Variants in DTWD2 observed in about 807,000 individuals in gnomAD.
The protein encoded by DTWD2 is DTW motif tRNA-uridine aminocarboxypropyltransferase 2.
Under a neutral mutation model 31.8 loss-of-function variants are expected in DTWD2, and 39 were observed. That is an observed-to-expected ratio of 1.22 (90% CI 0.95 to 1.60). DTWD2 has a LOEUF of 1.60. DTWD2 is among the 40% of genes most tolerant of loss of function. The pLI is 0.00. For missense variants in DTWD2, 515 were observed against 381.5 expected, an observed-to-expected ratio of 1.35 and a Z score of -2.92; for synonymous variants, 180 against 142.8, an observed-to-expected ratio of 1.26 and a Z score of -1.86.
At chr5:118,879,537 G>A (rs1209776703) in intron 4 of DTWD2, among the ~76,000 whole-genome samples, 1 of 150,436 alleles carries the variant, frequency 6.6e-6, no homozygotes, top group Non-Finnish European at 1.5e-5. Flanking sequence ...TTGAACCCAG[G>A]AGGCAGAGGT....
intron 4 of DTWD2, among the ~76,000 whole-genome samples, chr5:118,862,273 C>G (rs1752279086): frequency 6.6e-6 from 1 of 152,098 alleles, no homozygotes; most frequent in Non-Finnish European, 1.5e-5. Flanking sequence ...TCCCTGGGTG[C>G]CAAAAAGGTT....
At chr5:118,919,968 CT>C in intron 4 of DTWD2, among the ~76,000 whole-genome samples, 1 of 152,022 alleles carries the variant, frequency 6.6e-6, no homozygotes, top group East Asian at 1.9e-4. Flanking sequence ...AATTAGTCTC[CT>C]TTCTTTGTTT....
intron 1 of DTWD2, among the ~76,000 whole-genome samples, chr5:118,958,419 C>T (rs1754636167): frequency 1.3e-5 from 2 of 151,910 alleles, no homozygotes; most frequent in South Asian, 4.1e-4. Flanking sequence ...GATCACGCCA[C>T]TACACTCCAG....
At chr5:118,949,747 G>A (rs945773704) in intron 1 of DTWD2, among the ~76,000 whole-genome samples, 13 of 152,248 alleles carry the variant, frequency 8.5e-5, no homozygotes, top group African/African-American at 3.1e-4. Flanking sequence ...TTAAGATGGG[G>A]AGACACAAGG....
intron 1 of DTWD2, among the ~76,000 whole-genome samples, chr5:118,966,605 A>G (rs115002919): frequency 0.012 from 1,771 of 152,336 alleles, 35 homozygotes; most frequent in African/African-American, 0.04. Context: ...TACATAAGGC[A>G]AAGTAAACTA....
At chr5:118,884,238 A>C (rs1193005145) in intron 4 of DTWD2, among the ~76,000 whole-genome samples, 1 of 152,164 alleles carries the variant, frequency 6.6e-6, no homozygotes, top group Non-Finnish European at 1.5e-5. Context: ...TTCCTTTTGT[A>C]TGTTTTTCAA....
At chr5:118,851,853 AG>A (rs200078715) in intron 4 of DTWD2, among the ~76,000 whole-genome samples, 3 of 149,378 alleles carry the variant, frequency 2.0e-5, no homozygotes, top group Admixed American at 6.6e-5. Context: ...AAAAAAAAAA[AG>A]AAAAAAGAAA....
rs1410981257 is a variant in DTWD2 at position 118,974,186 on chromosome 5, C to T, written c.218+14108G>A. 27 of 1,413,124 alleles carry T rather than the reference C, an allele frequency of 1.9e-5. No individual in the cohort carries two copies. The African/African-American group carries it at 2.6e-4, about 14-fold the overall frequency. The allele number at this position is 1,413,124 out of a possible 1,614,324, so 87.5% of individuals were successfully genotyped here. A position where few individuals can be genotyped will look rare whatever the true frequency, so the allele number is the denominator to read the frequency against. On this transcript the variant is annotated intron_variant, in intron 1 of 5. Coordinates refer to ENST00000510708, the MANE Select transcript of DTWD2 (RefSeq NM_173666.4). ...GCCGCCTTGACCTATTCACCCTCCA[C>T]TTCCCGTCTCAGAATCTAAACGTGG...
chr5:118,850,740 T>G (rs758394573), intron 4 of DTWD2, among the ~76,000 whole-genome samples: 107 of 152,116 alleles, frequency 7.0e-4, no homozygotes, highest in Non-Finnish European at 1.1e-3. Flanking sequence ...ACCTACAGAA[T>G]GGGTGAAATT....
At chr5:118,974,639 TAAG>T (rs757973562) in intron 1 of DTWD2, 3 of 506,560 alleles carry the variant, frequency 5.9e-6, no homozygotes, top group South Asian at 1.5e-5. Flanking sequence ...AGCTGTACTA[TAAG>T]TAGTTGGTTT....
At chr5:118,909,159 G>C (rs989885694) in intron 4 of DTWD2, among the ~76,000 whole-genome samples, 1 of 152,212 alleles carries the variant, frequency 6.6e-6, no homozygotes, top group Non-Finnish European at 1.5e-5. Context: ...CCGCATAGCT[G>C]AGTCACCTGG....
At chr5:118,856,374 G>A (rs114589505) in intron 4 of DTWD2, among the ~76,000 whole-genome samples, 71 of 152,206 alleles carry the variant, frequency 4.7e-4, no homozygotes, top group African/African-American at 1.6e-3. Flanking sequence ...ATCCCTGTCT[G>A]TGAATTTGCC....
intron 4 of DTWD2, among the ~76,000 whole-genome samples, chr5:118,854,320 A>T (rs1752081190): frequency 6.6e-6 from 1 of 152,064 alleles, no homozygotes; most frequent in Non-Finnish European, 1.5e-5. Flanking sequence ...ATGCAACTGT[A>T]ATCTTTTTTT....
chr5:118,891,988 C>T (rs926197352), intron 4 of DTWD2, among the ~76,000 whole-genome samples: 1 of 151,948 alleles, frequency 6.6e-6, no homozygotes, highest in East Asian at 1.9e-4. Context: ...TTCTAACAGC[C>T]ATATTTAAAG....
intron 4 of DTWD2, among the ~76,000 whole-genome samples, chr5:118,927,016 G>C (rs1044720038): frequency 3.3e-5 from 5 of 152,204 alleles, no homozygotes; most frequent in East Asian, 1.9e-4. Context: ...TCTCTTCCTG[G>C]CTTGCAAATG....
intron 4 of DTWD2, among the ~76,000 whole-genome samples, chr5:118,898,752 C>G (rs1432964941): frequency 6.6e-6 from 1 of 150,682 alleles, no homozygotes; most frequent in Non-Finnish European, 1.5e-5. Context: ...CAGTATGGTA[C>G]AAAAAAATTA....
At chr5:118,941,543 G>A (rs1427829260) in intron 2 of DTWD2, among the ~76,000 whole-genome samples, 2 of 152,212 alleles carry the variant, frequency 1.3e-5, no homozygotes, top group East Asian at 1.9e-4. Context: ...ATTCCATGGT[G>A]TATATGTGCC....
At chr5:118,914,943 AAATTT>A (rs1392795196) in intron 4 of DTWD2, among the ~76,000 whole-genome samples, 3 of 152,172 alleles carry the variant, frequency 2.0e-5, no homozygotes, top group Non-Finnish European at 4.4e-5. Flanking sequence ...ATATTAATAT[AAATTT>A]AATTTTTCTG....
intron 4 of DTWD2, among the ~76,000 whole-genome samples, chr5:118,895,087 G>A (rs569373330): frequency 1.3e-5 from 2 of 152,166 alleles, no homozygotes; most frequent in African/African-American, 4.8e-5. Context: ...CTTGTTTGCA[G>A]ACTACATGTC....
Sources: gnomAD v4.1 joint callset for allele counts (sites outside exome capture counted in the v4.1 genomes callset) on GRCh38, gnomAD v4.1.1 for gene constraint, MANE v1.5 for transcripts, NCBI Gene and HGNC (gene_info 2026-07-23, HGNC 2026-07-21) for gene names.